Variants in C1orf87 observed in about 807,000 individuals in gnomAD.
The protein encoded by C1orf87 is uncharacterized protein C1orf87.
In C1orf87, 58 loss-of-function variants were observed where a neutral mutation model predicts 60.5. The ratio of observed to expected loss-of-function variants is 0.96; its 90% confidence interval spans 0.78 to 1.19. The LOEUF (loss-of-function observed/expected upper bound fraction) is 1.19. Among genes scored for constraint, C1orf87 ranks in the 50% most tolerant of loss-of-function variants. The probability of loss-of-function intolerance (pLI) is 0.00; values close to 1 mark genes in which losing one functional copy is unlikely to be tolerated. For missense variants in C1orf87, 673 were observed against 638.6 expected (o/e 1.05, Z -0.58); for synonymous variants, 236 against 227.4 (o/e 1.04, Z -0.34).
intron 7 of C1orf87, among the ~76,000 whole-genome samples, chr1:60,031,145 T>A (rs1007056871): frequency 6.6e-6 from 1 of 152,186 alleles, no homozygotes; most frequent in African/African-American, 2.4e-5. Context: ...CCCCTTTAAC[T>A]CAGTCATAAC....
At chr1:60,050,530 T>C (rs1645406774) in intron 3 of C1orf87, among the ~76,000 whole-genome samples, 2 of 150,932 alleles carry the variant, frequency 1.3e-5, no homozygotes, top group Admixed American at 6.6e-5. Flanking sequence ...CTCTTGATTG[T>C]TGGTAGTTTT....
intron 3 of C1orf87, among the ~76,000 whole-genome samples, chr1:60,049,796 G>T (rs1248399100): frequency 1.3e-5 from 2 of 152,058 alleles, no homozygotes; most frequent in African/African-American, 4.8e-5. Context: ...TATGGTATAT[G>T]AGGAATAGAC....
chr1:60,025,764 A>C (rs1389848859), intron 7 of C1orf87, among the ~76,000 whole-genome samples: 1 of 152,172 alleles, frequency 6.6e-6, no homozygotes, highest in Non-Finnish European at 1.5e-5. Context: ...CTGGGGTTTG[A>C]AATGCTGATC....
chr1:60,007,088 T>A (rs1386725638), intron 9 of C1orf87, among the ~76,000 whole-genome samples: 1 of 152,002 alleles, frequency 6.6e-6, no homozygotes, highest in Non-Finnish European at 1.5e-5. Flanking sequence ...ATTTCTTTAT[T>A]ATTTGTAGAG....
intron 10 of C1orf87, 142 bp from the exon 11 acceptor site, chr1:59,997,958 T>G (rs1644975096): frequency 1.3e-6 from 1 of 748,562 alleles, no homozygotes; most frequent in African/African-American, 1.8e-5. Context: ...CTTCAAATCT[T>G]CAGTGCCATA....
At chr1:60,011,430 T>A (rs377644625) in intron 8 of C1orf87, among the ~76,000 whole-genome samples, 2 of 151,624 alleles carry the variant, frequency 1.3e-5, no homozygotes, top group East Asian at 3.9e-4. Context: ...TATCCCTTCC[T>A]CCCTTCTTCC....
At chr1:60,029,042 C>G (rs1270801751) in intron 7 of C1orf87, among the ~76,000 whole-genome samples, 1 of 152,192 alleles carries the variant, frequency 6.6e-6, no homozygotes, top group Admixed American at 6.5e-5. Context: ...GTTTTCACCT[C>G]TCTACCCAGA....
At chr1:60,025,092 T>C (rs1294343740) in intron 8 of C1orf87, among the ~76,000 whole-genome samples, 1 of 152,144 alleles carries the variant, frequency 6.6e-6, no homozygotes, top group Non-Finnish European at 1.5e-5. Flanking sequence ...ATTCACTAGG[T>C]AGGAATCTAG....
At chr1:60,030,570 G>A (rs1484239631) in intron 7 of C1orf87, among the ~76,000 whole-genome samples, 2 of 152,232 alleles carry the variant, frequency 1.3e-5, no homozygotes, top group South Asian at 2.1e-4. Context: ...CTGGGAGGCA[G>A]GTTTGGGAGC....
intron 11 of C1orf87, among the ~76,000 whole-genome samples, chr1:59,993,718 T>C (rs1038020031): frequency 5.3e-5 from 8 of 151,914 alleles, no homozygotes; most frequent in African/African-American, 1.7e-4. Flanking sequence ...AAGCCTGTCT[T>C]TTCTAACCAG....
intron 3 of C1orf87, among the ~76,000 whole-genome samples, chr1:60,045,242 A>T (rs557979757): frequency 1.3e-5 from 2 of 152,324 alleles, no homozygotes; most frequent in East Asian, 3.9e-4. Context: ...ATGGCTCAAA[A>T]ATGGGCAGTA....
At chr1:60,010,494 T>G (rs930690537) in intron 8 of C1orf87, 38 bp from the exon 9 acceptor site, 1 of 1,555,032 alleles carries the variant, frequency 6.4e-7, no homozygotes, top group Non-Finnish European at 8.9e-7. Context: ...GTGATCAATA[T>G]GATTGCCCTG....
At chr1:60,009,088 T>A (rs563423988) in intron 9 of C1orf87, among the ~76,000 whole-genome samples, 1 of 152,200 alleles carries the variant, frequency 6.6e-6, no homozygotes, top group South Asian at 2.1e-4. Flanking sequence ...TACCTGTGAA[T>A]CTGAGCTTAT....
rs911684130 is a variant in C1orf87 at position 59,997,890 on chromosome 1, G to A, written c.1273-74C>T. ...CTCCAATCTCTTGGCCAAAGATGAG[G>A]CCACACAACTAGCAAGATTTATAGC... On this transcript the variant is annotated intron_variant, in intron 10 of 11. Coordinates refer to ENST00000371201, the MANE Select transcript of C1orf87 (RefSeq NM_152377.3). 2.1e-6 allele frequency: 3 copies of A among 1,402,930 alleles called. No homozygotes were observed. The African/African-American group carries it at 4.3e-5, about 20-fold the overall frequency. 86.9% of individuals were successfully genotyped at this position (1,402,930 alleles called of 1,614,324 possible). A position where few individuals can be genotyped will look rare whatever the true frequency, so the allele number is the denominator to read the frequency against.
intron 7 of C1orf87, among the ~76,000 whole-genome samples, chr1:60,032,438 T>C (rs1645245501): frequency 7.0e-6 from 1 of 142,590 alleles, no homozygotes; most frequent in Admixed American, 7.0e-5. Flanking sequence ...TCAGGTTTTT[T>C]TTTTTTTTTT....
intron 9 of C1orf87, among the ~76,000 whole-genome samples, chr1:60,007,559 G>T (rs1193700392): frequency 6.6e-6 from 1 of 152,010 alleles, no homozygotes; most frequent in Non-Finnish European, 1.5e-5. Context: ...AAGAGATTTT[G>T]TATGATACCT....
intron 3 of C1orf87, among the ~76,000 whole-genome samples, chr1:60,046,737 G>A (rs1382253177): frequency 6.6e-6 from 1 of 151,960 alleles, no homozygotes; most frequent in African/African-American, 2.4e-5. Context: ...CTGCATCCAG[G>A]CTTACATATT....
intron 11 of C1orf87, among the ~76,000 whole-genome samples, chr1:59,996,681 T>C (rs971488791): frequency 1.3e-5 from 2 of 152,312 alleles, no homozygotes; most frequent in East Asian, 3.9e-4. Flanking sequence ...AAACTGCATT[T>C]TAAGTTTAAT....
At chr1:60,059,101 G>C (rs757322677) in intron 2 of C1orf87, among the ~76,000 whole-genome samples, 1 of 152,028 alleles carries the variant, frequency 6.6e-6, no homozygotes, top group East Asian at 1.9e-4. Flanking sequence ...AATACATAGC[G>C]CTTTGAAAAT....
Sources: allele counts gnomAD v4.1 joint callset (sites outside exome capture counted in the v4.1 genomes callset), GRCh38; gene constraint gnomAD v4.1.1; transcripts MANE v1.5; gene names NCBI Gene and HGNC (gene_info 2026-07-23, HGNC 2026-07-21).